CSMD3: variants seen among roughly 807,000 people sequenced by gnomAD.
CSMD3 encodes the protein CUB and sushi domain-containing protein 3.
CSMD3 carries 177 observed loss-of-function variants against 435.2 expected under a neutral mutation model. The observed-to-expected ratio is 0.41, with a 90% confidence interval of 0.36 to 0.46. The LOEUF is 0.46. CSMD3 is among the 20% of genes least tolerant of loss of function. The pLI, the probability that CSMD3 is intolerant of heterozygous loss-of-function variation, is 0.34. For missense variants in CSMD3, 4,265 were observed against 4,504.6 expected, an observed-to-expected ratio of 0.95 and a Z score of 1.52; for synonymous variants, 1,656 against 1,520.5, an observed-to-expected ratio of 1.09 and a Z score of -2.07.
At chr8:112,578,009 T>A (rs565740438) in intron 23 of CSMD3, among the ~76,000 whole-genome samples, 1 of 152,094 alleles carries the variant, frequency 6.6e-6, no homozygotes, top group Non-Finnish European at 1.5e-5. Flanking sequence ...TCCTCTTGGA[T>A]CCTAGCATTT....
intron 1 of CSMD3, among the ~76,000 whole-genome samples, chr8:113,330,398 G>T (rs987721503): frequency 4.0e-5 from 6 of 151,790 alleles, no homozygotes; most frequent in African/African-American, 9.7e-5. Context: ...TGAAAGGAAA[G>T]AACAAATATA....
intron 63 of CSMD3, among the ~76,000 whole-genome samples, chr8:112,252,804 A>G (rs1445233631): frequency 1.3e-5 from 2 of 150,996 alleles, no homozygotes; most frequent in African/African-American, 4.8e-5. Flanking sequence ...ATATAATTGT[A>G]TATAAGTAGA....
intron 5 of CSMD3, among the ~76,000 whole-genome samples, chr8:113,067,238 T>C (rs1334761346): frequency 6.6e-6 from 1 of 152,146 alleles, no homozygotes; most frequent in Non-Finnish European, 1.5e-5. Context: ...CTCAGTTCTT[T>C]ATAGCAATGT....
intron 1 of CSMD3, among the ~76,000 whole-genome samples, chr8:113,426,055 A>G (rs1423263367): frequency 2.0e-5 from 3 of 151,574 alleles, no homozygotes; most frequent in Non-Finnish European, 4.4e-5. Flanking sequence ...CAATAAATTC[A>G]AGGTAGAGTA....
At chr8:113,091,981 T>G (rs567237985) in intron 5 of CSMD3, among the ~76,000 whole-genome samples, 38 of 152,174 alleles carry the variant, frequency 2.5e-4, no homozygotes, top group African/African-American at 9.1e-4. Context: ...ATATATGTGG[T>G]ATCTATACCT....
intron 9 of CSMD3, among the ~76,000 whole-genome samples, chr8:112,941,610 A>G (rs1236722504): frequency 3.3e-5 from 5 of 151,836 alleles, no homozygotes; most frequent in Admixed American, 6.6e-5. Flanking sequence ...CAAAGAGATT[A>G]CTGCAATGTT....
At chr8:113,119,447 C>CA (rs1564336642) in intron 4 of CSMD3, among the ~76,000 whole-genome samples, 2 of 151,904 alleles carry the variant, frequency 1.3e-5, no homozygotes, top group African/African-American at 2.4e-5. Context: ...AGACAAGTTT[C>CA]AAAAAAAGCC....
At chr8:112,382,544 A>G (rs1364339141) in intron 37 of CSMD3, among the ~76,000 whole-genome samples, 1 of 152,320 alleles carries the variant, frequency 6.6e-6, no homozygotes, top group South Asian at 2.1e-4. Context: ...ATTTCAGCAT[A>G]TCTGAATTGA....
intron 1 of CSMD3, among the ~76,000 whole-genome samples, chr8:113,356,671 T>G (rs1313667409): frequency 1.3e-5 from 2 of 152,102 alleles, no homozygotes; most frequent in Admixed American, 6.6e-5. Flanking sequence ...GAAAGCATAG[T>G]CAATGTAAAT....
At chr8:112,405,104 A>C in intron 35 of CSMD3, among the ~76,000 whole-genome samples, 1 of 143,614 alleles carries the variant, frequency 7.0e-6, no homozygotes, top group Non-Finnish European at 1.5e-5. Flanking sequence ...GGAGGCTTTA[A>C]CCTGGGAGGC....
chr8:113,400,763 C>T (rs1425387264), intron 1 of CSMD3, among the ~76,000 whole-genome samples: 1 of 151,754 alleles, frequency 6.6e-6, no homozygotes, highest in Non-Finnish European at 1.5e-5. Context: ...CATATTTAAG[C>T]GTGGTACAAA....
At chr8:112,285,757 T>C (rs770641968) in intron 58 of CSMD3, among the ~76,000 whole-genome samples, 3 of 152,122 alleles carry the variant, frequency 2.0e-5, no homozygotes, top group Non-Finnish European at 4.4e-5. Flanking sequence ...TCTCGCTCTG[T>C]CACCTAGGCT....
intron 1 of CSMD3, among the ~76,000 whole-genome samples, chr8:113,358,581 T>C (rs1339509602): frequency 2.0e-5 from 3 of 152,064 alleles, no homozygotes; most frequent in African/African-American, 4.8e-5. Flanking sequence ...TCGATAAAAA[T>C]AGAAAACTTT....
chr8:113,102,441 G>A (rs934247835), intron 4 of CSMD3, among the ~76,000 whole-genome samples: 2 of 152,090 alleles, frequency 1.3e-5, no homozygotes, highest in South Asian at 2.1e-4. Flanking sequence ...ACTATAAAAC[G>A]TTTTCATGAT....
intron 4 of CSMD3, among the ~76,000 whole-genome samples, chr8:113,145,354 T>C (rs2091648904): frequency 6.6e-6 from 1 of 151,564 alleles, no homozygotes; most frequent in African/African-American, 2.4e-5. Context: ...ATCACAAGTG[T>C]TTTGAGTATC....
At chr8:113,204,082 G>A (rs1237236805) in intron 3 of CSMD3, among the ~76,000 whole-genome samples, 1 of 151,874 alleles carries the variant, frequency 6.6e-6, no homozygotes, top group Non-Finnish European at 1.5e-5. Context: ...TTTCCCAAAT[G>A]CTCTGCCAAT....
chr8:113,337,291 T>C (rs760256485), intron 1 of CSMD3, among the ~76,000 whole-genome samples: 1 of 152,138 alleles, frequency 6.6e-6, no homozygotes, highest in Non-Finnish European at 1.5e-5. Context: ...TTTAGTTGTT[T>C]GTAGCATGAG....
chr8:112,490,117 C>A (rs1392281609), intron 31 of CSMD3, among the ~76,000 whole-genome samples: 2 of 152,128 alleles, frequency 1.3e-5, no homozygotes, highest in African/African-American at 4.8e-5. Flanking sequence ...AATCACAACT[C>A]CCATATATTT....
chr8:112,742,676 T>A (rs1334963831), intron 13 of CSMD3, among the ~76,000 whole-genome samples: 1 of 151,882 alleles, frequency 6.6e-6, no homozygotes, highest in Admixed American at 6.6e-5. Flanking sequence ...ACATGACCCA[T>A]CTGCCTGTCT....
Sources: gnomAD v4.1 joint callset for allele counts (sites outside exome capture counted in the v4.1 genomes callset) on GRCh38, gnomAD v4.1.1 for gene constraint, MANE v1.5 for transcripts, NCBI Gene and HGNC (gene_info 2026-07-23, HGNC 2026-07-21) for gene names.